Variants in LHFPL2 observed in about 807,000 individuals in gnomAD.
LHFPL2 encodes LHFPL tetraspan subfamily member 2.
Under a neutral mutation model 17.5 loss-of-function variants are expected in LHFPL2, and 7 were observed. The observed-to-expected ratio is 0.40, with a 90% CI of 0.23 to 0.75. The LOEUF (loss-of-function observed/expected upper bound fraction) is 0.75. Among genes scored for constraint, LHFPL2 ranks in the 30% least tolerant of loss-of-function variants. The pLI is 0.37. For missense variants in LHFPL2, 241 were observed against 294.8 expected, an observed-to-expected ratio of 0.82 and a Z score of 1.34; for synonymous variants, 134 against 116.2, an observed-to-expected ratio of 1.15 and a Z score of -0.99.
chr5:78,496,732 A>T (rs1265607878), intron 4 of LHFPL2, among the ~76,000 whole-genome samples: 1 of 151,682 alleles, frequency 6.6e-6, no homozygotes, highest in Non-Finnish European at 1.5e-5. Context: ...CTGACAGGAC[A>T]GTTATTCTCA....
intron 2 of LHFPL2, chr5:78,626,194 C>A (rs1015760091): frequency 6.6e-6 from 1 of 152,248 alleles, no homozygotes; most frequent in Admixed American, 6.5e-5. Context: ...TCCTTCAGAT[C>A]CAAACTAAAG....
intron 3 of LHFPL2, among the ~76,000 whole-genome samples, chr5:78,529,934 T>C (rs918612266): frequency 6.6e-6 from 1 of 152,236 alleles, no homozygotes; most frequent in Non-Finnish European, 1.5e-5. Context: ...TATTAACTGA[T>C]TTACAACTTA....
At position 78,510,414 on chromosome 5, in the gene LHFPL2, G is replaced by A; in HGVS notation, c.-185-16C>T. 1 of 558,122 alleles carries A rather than the reference G, an allele frequency of 1.8e-6. No homozygotes were observed. The highest frequency in any genetic ancestry group is 2.8e-5 in the South Asian group (1 of 35,918). The allele number at this position is 558,122 out of a possible 1,614,324, so 34.6% of individuals were successfully genotyped here. On this transcript the variant is annotated splice_polypyrimidine_tract_variant and intron_variant, in intron 3 of 4. Transcript: ENST00000380345. ...GCGGCCTCACCTAGGGGAGAGGGAG[G>A]GCGGTTAGCAGCGCCGCCAGGCCCC...
chr5:78,616,152 A>G (rs555096219), intron 2 of LHFPL2, among the ~76,000 whole-genome samples: 143 of 151,370 alleles, frequency 9.4e-4, no homozygotes, highest in Non-Finnish European at 1.8e-3. Flanking sequence ...TTTTGAGATG[A>G]AGTCTCACTC....
At chr5:78,572,668 T>C (rs935188957) in intron 2 of LHFPL2, among the ~76,000 whole-genome samples, 4 of 152,094 alleles carry the variant, frequency 2.6e-5, no homozygotes, top group African/African-American at 9.7e-5. Flanking sequence ...GCTGTGTTTT[T>C]CTTTTTTAGG....
At position 78,534,404 on chromosome 5, in the gene LHFPL2, C is replaced by T. The variant is rs550910943; in HGVS notation, c.-185-24006G>A. ...GCAGGCTGCACTGCTCTTCCAGGGC[C>T]GTAGCAGGCTCCCCCACAAAGGACA... On this transcript the variant is annotated intron_variant, in intron 3 of 4. Transcript: ENST00000380345. 1.9e-3 allele frequency among the ~76,000 whole-genome samples: 296 copies of T among 152,296 alleles called. 2 individuals carry two copies. The highest frequency in any genetic ancestry group is 3.5e-3 in the Non-Finnish European group (240 of 68,018).
chr5:78,646,433 C>T (rs1745881916), intron 1 of LHFPL2, among the ~76,000 whole-genome samples: 1 of 152,188 alleles, frequency 6.6e-6, no homozygotes, highest in Non-Finnish European at 1.5e-5. Flanking sequence ...CATCCTAAGT[C>T]CTGCACAAAA....
intron 2 of LHFPL2, among the ~76,000 whole-genome samples, chr5:78,610,556 G>A (rs923434893): frequency 6.6e-6 from 1 of 152,138 alleles, no homozygotes; most frequent in Non-Finnish European, 1.5e-5. Flanking sequence ...GAGGCCAGAA[G>A]GCCCTCTTCA....
chr5:78,600,124 A>T (rs1743962128), intron 2 of LHFPL2, among the ~76,000 whole-genome samples: 1 of 152,118 alleles, frequency 6.6e-6, no homozygotes, highest in African/African-American at 2.4e-5. Context: ...TAAAGTTGAT[A>T]GCATTCCACC....
At chr5:78,580,342 T>C (rs1313555967) in intron 2 of LHFPL2, among the ~76,000 whole-genome samples, 1 of 152,230 alleles carries the variant, frequency 6.6e-6, no homozygotes, top group Non-Finnish European at 1.5e-5. Context: ...AGAAGCTCTT[T>C]AGTTTAATTA....
intron 3 of LHFPL2, among the ~76,000 whole-genome samples, chr5:78,539,376 C>T (rs948146779): frequency 6.6e-5 from 10 of 152,156 alleles, no homozygotes; most frequent in African/African-American, 1.4e-4. Flanking sequence ...ATTAAGTGAA[C>T]GAAGTGAACC....
chr5:78,561,743 G>GTA (rs1756733244), intron 3 of LHFPL2, among the ~76,000 whole-genome samples: 1 of 152,172 alleles, frequency 6.6e-6, no homozygotes, highest in African/African-American at 2.4e-5. Flanking sequence ...TCTTCAAACA[G>GTA]TACATCATTT....
chr5:78,606,440 G>C (rs1744214152), intron 2 of LHFPL2, among the ~76,000 whole-genome samples: 1 of 152,186 alleles, frequency 6.6e-6, no homozygotes, highest in Admixed American at 6.5e-5. Flanking sequence ...GGCTCAAAAA[G>C]TCGGTAATTA....
intron 3 of LHFPL2, among the ~76,000 whole-genome samples, chr5:78,553,780 A>G (rs997376818): frequency 3.9e-5 from 6 of 152,194 alleles, no homozygotes; most frequent in African/African-American, 1.4e-4. Context: ...GTTTTCTTCC[A>G]GATCTGACTA....
chr5:78,622,657 G>A (rs72760999), intron 2 of LHFPL2, among the ~76,000 whole-genome samples: 4,248 of 152,252 alleles, frequency 0.028, 87 homozygotes, highest in Middle Eastern at 0.054. Context: ...TTCCTCCAAG[G>A]AACCTGACAA....
chr5:78,644,829 G>A (rs163633), intron 1 of LHFPL2: 111,735 of 206,264 alleles, frequency 0.54, 30,557 homozygotes, highest in Middle Eastern at 0.61. Context: ...CAGCTTCCTT[G>A]GATCTCCTTT....
intron 4 of LHFPL2, among the ~76,000 whole-genome samples, chr5:78,504,787 C>T (rs887290086): frequency 7.9e-5 from 12 of 152,328 alleles, no homozygotes; most frequent in East Asian, 5.8e-4. Context: ...GCCATTCCCA[C>T]GACCACACAC....
chr5:78,508,225 G>A (rs1476378980), intron 4 of LHFPL2, among the ~76,000 whole-genome samples: 1 of 152,196 alleles, frequency 6.6e-6, no homozygotes, highest in Non-Finnish European at 1.5e-5. Flanking sequence ...GGAGAACACT[G>A]AGACCCGGGG....
chr5:78,627,706 C>T (rs921433995), intron 2 of LHFPL2, among the ~76,000 whole-genome samples: 2 of 152,156 alleles, frequency 1.3e-5, no homozygotes, highest in South Asian at 2.1e-4. Context: ...ATGAAGCCCT[C>T]GATAGCTACT....
Sources: gnomAD v4.1 joint callset for allele counts (sites outside exome capture counted in the v4.1 genomes callset) on GRCh38, gnomAD v4.1.1 for gene constraint, MANE v1.5 for transcripts, NCBI Gene and HGNC (gene_info 2026-07-23, HGNC 2026-07-21) for gene names.